Variants in JADE2 observed in about 807,000 individuals in gnomAD.
JADE2 encodes E3 ubiquitin-protein ligase Jade-2.
In JADE2, 13 loss-of-function variants were observed where a neutral mutation model predicts 85.7. The observed-to-expected ratio is 0.15, with a 90% CI of 0.10 to 0.24. The LOEUF is 0.24. Among genes scored for constraint, JADE2 ranks in the 10% least tolerant of loss-of-function variants. The probability of loss-of-function intolerance (pLI) is 1.00; values close to 1 mark genes in which losing one functional copy is unlikely to be tolerated. For synonymous variants in JADE2, 440 were observed against 456.1 expected, an observed-to-expected ratio of 0.96 and a Z score of 0.45; for missense variants, 846 against 1,115.9, an observed-to-expected ratio of 0.76 and a Z score of 3.45.
At chr5:134,525,092 C>G (rs1361380048), upstream of JADE2, among the ~76,000 whole-genome samples, 1 of 151,852 alleles carries the variant, frequency 6.6e-6, no homozygotes, top group Non-Finnish European at 1.5e-5. Context: ...GTCTTTTTGA[C>G]GCAGGGAGAA....
chr5:134,557,050 C>T (rs1762995130), intron 4 of JADE2, among the ~76,000 whole-genome samples: 1 of 148,920 alleles, frequency 6.7e-6, no homozygotes, highest in African/African-American at 2.5e-5. Flanking sequence ...ACACACACAC[C>T]TCACACATCA....
chr5:134,576,756 T>C lies in JADE2; in HGVS notation c.1553-12T>C. Reference sequence around the variant, plus strand: ...AACCATCTCCCTCCTCCTCTCACTTTCCCTGACACAGAGCGGTCTGGGAGG... The same window carrying C: ...AACCATCTCCCTCCTCCTCTCACTTCCCCTGACACAGAGCGGTCTGGGAGG... On this transcript the variant is annotated splice_polypyrimidine_tract_variant and intron_variant, in intron 10 of 11. Transcript: ENST00000681547. 6.5e-7 allele frequency: 1 copy of C among 1,550,304 alleles called. No homozygotes were observed. Among genetic ancestry groups the C allele is most frequent in the African/African-American group, 1.4e-5 (1 of 73,074 alleles).
intron 4 of JADE2, among the ~76,000 whole-genome samples, chr5:134,559,242 G>C (rs528209985): frequency 6.6e-6 from 1 of 152,302 alleles, no homozygotes; most frequent in South Asian, 2.1e-4. Context: ...CAGAGGAGAC[G>C]TGGCCTCAGT....
At position 134,535,936 on chromosome 5, in the gene JADE2, C is replaced by A. The variant is rs897682700; in HGVS notation, c.58+21C>A. 4 of 1,608,624 alleles carry A rather than the reference C, an allele frequency of 2.5e-6. No homozygotes were observed. In the South Asian group the frequency reaches 3.3e-5, roughly 13 times the overall value. The stretch of plus-strand genomic sequence containing the variant: ...TGACAGTAAGGCCTTCCAGTTTGGG[C>A]TCCTACAGGGAAAGCATTTGAACAG... On this transcript the variant is annotated intron_variant, in intron 2 of 11. Coordinates refer to ENST00000681547, the MANE Select transcript of JADE2 (RefSeq NM_001388185.1).
Position 134,578,950 on chromosome 5 carries a change from C to T in JADE2, c.2138C>T (p.Thr713Ile), listed in dbSNP as rs35515583. 1.4e-4 allele frequency: 233 copies of T among 1,613,256 alleles called. No individual in the cohort carries two copies. In the African/African-American group the frequency reaches 2.9e-3, roughly 20 times the overall value. ...GCCGGGGACTGTCCCATCCTAGCCA[C>T]CCCTGAAAGCCCCCCGCCACTGGCC... ...PAAGDCPILA[T>I]PESPPPLAPE... The change falls in exon 12 of 12, where the codon ACC becomes ATC. Residue 713 changes from threonine to isoleucine, a missense_variant. By Grantham distance (89) the Thr-to-Ile change is moderately conservative. This residue lies in a region of JADE2 where 300 missense variants were observed against 300.7 expected (regional missense o/e 1.00). Coordinates refer to ENST00000681547, the MANE Select transcript of JADE2 (RefSeq NM_001388185.1). The surrounding 1 kb of genome is among the most constrained non-coding windows in gnomAD (Gnocchi z 4.4).
In JADE2 at chr5:134,576,887, G is replaced by C; in HGVS notation, c.1672G>C (p.Gly558Arg). Residue 558 changes from glycine (G) to arginine (R), a missense_variant, in exon 11 of 12, where the codon GGG becomes CGG. Transcript: ENST00000681547. ...KVKAGPDSVL[G>R]QLAGLSTSFP... ...GAAGGCGGGGCCTGACTCAGTCCTG[G>C]GGCAGCTGGGTGAGTGAGGGCCATG... The C allele has an allele frequency of 6.5e-7, 1 of 1,541,360 alleles. No homozygotes were observed. Among genetic ancestry groups the C allele is most frequent in the Non-Finnish European group, 8.8e-7 (1 of 1,142,452 alleles).
intron 4 of JADE2, 104 bp downstream of exon 4, chr5:134,552,313 C>A (rs12163997): frequency 2.0e-6 from 2 of 985,872 alleles, no homozygotes; most frequent in South Asian, 1.7e-5. Flanking sequence ...CTTTCTAGTC[C>A]ATCTCTATTC....
intron 3 of JADE2, among the ~76,000 whole-genome samples, chr5:134,549,458 C>T (rs1051407106): frequency 6.6e-5 from 10 of 152,222 alleles, no homozygotes; most frequent in Admixed American, 4.6e-4. Flanking sequence ...GTCAGGAGTT[C>T]GAGACCAGCC....
chr5:134,577,242 C>A lies in JADE2; in HGVS notation c.1681+346C>A, dbSNP rs181406004. Among the ~76,000 whole-genome samples, 231 of 152,306 alleles carry A rather than the reference C, an allele frequency of 1.5e-3. 1 individual carries two copies. Among genetic ancestry groups the A allele is most frequent in the African/African-American group, 5.2e-3 (218 of 41,568 alleles). ...CCCCATGCTGGGAGGGGAGGATCTG[C>A]CAGAAAGCCCCATCCTTGTCCTACT... On this transcript the variant is annotated intron_variant, in intron 11 of 11. Transcript: ENST00000681547.
upstream of JADE2, among the ~76,000 whole-genome samples, chr5:134,525,494 G>A (rs967150276): frequency 6.6e-6 from 1 of 151,910 alleles, no homozygotes; most frequent in African/African-American, 2.4e-5. Context: ...CCAAACAACT[G>A]GGCGGGGGGT....
intron 1 of JADE2, among the ~76,000 whole-genome samples, chr5:134,528,201 C>T (rs1760996786): frequency 6.6e-6 from 1 of 152,142 alleles, no homozygotes; most frequent in African/African-American, 2.4e-5. Context: ...CCCCTCCTCT[C>T]GGAGTGGCAT....
rs1321527541 is a variant in JADE2, at chr5:134,580,454, GC to G, written c.*1139del. On this transcript the variant is annotated 3_prime_UTR_variant, in exon 12 of 12. Coordinates refer to ENST00000681547, the MANE Select transcript of JADE2 (RefSeq NM_001388185.1). Reference sequence around the variant, plus strand: ...CCCCCCCGTCCTGCCATCCCCCCCCGCCGTCCTGCCTTCCCCACCCCACCCT... The same window carrying G: ...CCCCCCCGTCCTGCCATCCCCCCCCGCGTCCTGCCTTCCCCACCCCACCCT... The G allele has an allele frequency of 1.2e-3, 24 of 20,016 alleles. No individual in the cohort carries two copies. Among genetic ancestry groups the G allele is most frequent in the Admixed American group, 2.2e-3 (4 of 1,830 alleles). The allele number at this position is 20,016 out of a possible 1,614,324, so 1.2% of individuals were successfully genotyped here.
rs1021647860 is a variant in JADE2 at position 134,583,001 on chromosome 5, C to T, written c.*3684C>T. The T allele has an allele frequency of 2.0e-5, 3 of 152,598 alleles. No homozygotes were observed. The highest frequency in any genetic ancestry group is 1.9e-4 in the East Asian group (1 of 5,202). The allele number at this position is 152,598 out of a possible 1,614,324, so 9.5% of individuals were successfully genotyped here. Reference sequence around the variant, plus strand: ...CTCCTTTTTGTACATTGTCCATGTGCGCAACCCTTAACGAGCAATAGAATG... The same window carrying T: ...CTCCTTTTTGTACATTGTCCATGTGTGCAACCCTTAACGAGCAATAGAATG... On this transcript the variant is annotated 3_prime_UTR_variant, in exon 12 of 12. Transcript: ENST00000681547.
At position 134,578,408 on chromosome 5, in the gene JADE2, G is replaced by A. The variant is rs1308979172; in HGVS notation, c.1682-86G>A. 1.0e-6 allele frequency: 1 copy of A among 986,760 alleles called. No homozygotes were observed. Among genetic ancestry groups the A allele is most frequent in the African/African-American group, 1.6e-5 (1 of 61,490 alleles). The allele number at this position is 986,760 out of a possible 1,614,324, so 61.1% of individuals were successfully genotyped here. A position where few individuals can be genotyped will look rare whatever the true frequency, so the allele number is the denominator to read the frequency against. Reference sequence around the variant, plus strand: ...GGGGACAGAGAGAAGACGATGCCTGGTGGTGTGCTGGGAGCGTCAGTGGGC... The same window carrying A: ...GGGGACAGAGAGAAGACGATGCCTGATGGTGTGCTGGGAGCGTCAGTGGGC... On this transcript the variant is annotated intron_variant, in intron 11 of 11. Coordinates refer to ENST00000681547, the MANE Select transcript of JADE2 (RefSeq NM_001388185.1). The surrounding 1 kb of genome is among the most constrained non-coding windows in gnomAD (Gnocchi z 4.4).
chr5:134,579,189 A>G lies in JADE2; in HGVS notation c.2377A>G (p.Thr793Ala). Residue 793 changes from threonine (T) to alanine (A), a missense_variant, in exon 12 of 12, where the codon ACT becomes GCT. Transcript: ENST00000681547. This position sits in a 1 kb window ranked among gnomAD's most constrained non-coding sequence, Gnocchi z 4.6. ...GGTCAGCCTGCATTTTGACACTGAG[A>G]CTGATGGCTACTTCTCTGATGGGGA... ...PKVSLHFDTE[T>A]DGYFSDGEMS... The G allele has an allele frequency of 6.2e-7, 1 of 1,614,224 alleles. No individual in the cohort carries two copies. The highest frequency in any genetic ancestry group is 1.3e-5 in the African/African-American group (1 of 75,064).
chr5:134,569,695 G>A (rs1336858326), intron 9 of JADE2, among the ~76,000 whole-genome samples: 1 of 152,122 alleles, frequency 6.6e-6, no homozygotes, highest in Non-Finnish European at 1.5e-5. Flanking sequence ...ACACACACCT[G>A]CCCAGAGGAT....
intron 9 of JADE2, among the ~76,000 whole-genome samples, chr5:134,571,864 C>G (rs56308774): frequency 0.11 from 17,355 of 152,274 alleles, 1,272 homozygotes; most frequent in East Asian, 0.27. Flanking sequence ...TTGGATTCCT[C>G]GTTCCCAGGC....
At chr5:134,537,632 C>T (rs1761676586) in intron 2 of JADE2, among the ~76,000 whole-genome samples, 1 of 152,208 alleles carries the variant, frequency 6.6e-6, no homozygotes, top group Non-Finnish European at 1.5e-5. Context: ...AGTATTTGGA[C>T]AGTACCTAAC....
chr5:134,573,938 A>G (rs1321443869), intron 10 of JADE2, 176 bp downstream of exon 10: 2 of 695,142 alleles, frequency 2.9e-6, no homozygotes, highest in African/African-American at 3.5e-5. Context: ...GGGGCCTGCA[A>G]GGGTCCTGAG....
Sources: allele counts gnomAD v4.1 joint callset (sites outside exome capture counted in the v4.1 genomes callset), GRCh38; gene constraint gnomAD v4.1.1; regional missense constraint gnomAD v4.1.1; non-coding constraint Gnocchi (gnomAD v3.1); transcripts MANE v1.5; gene names NCBI Gene and HGNC (gene_info 2026-07-23, HGNC 2026-07-21).